The following EDEM3 variants were observed in gnomAD, a reference collection of about 807,000 sequenced individuals.
EDEM3 encodes the protein ER degradation enhancing alpha-mannosidase like protein 3, also known as ER degradation-enhancing alpha-mannosidase-like protein 3.
A neutral mutation model predicts 110.2 loss-of-function variants in EDEM3; 60 were observed. The observed-to-expected ratio is 0.54, with a 90% CI of 0.44 to 0.67. The LOEUF is 0.67. EDEM3 is among the 30% of genes least tolerant of loss of function. The probability of loss-of-function intolerance (pLI) is 0.00; values close to 1 mark genes in which losing one functional copy is unlikely to be tolerated. For synonymous variants in EDEM3, 352 were observed against 382.9 expected (o/e 0.92, Z 0.94); for missense variants, 996 against 1,121.0 (o/e 0.89, Z 1.59).
intron 2 of EDEM3, among the ~76,000 whole-genome samples, chr1:184,744,882 T>G (rs894576628): frequency 1.3e-5 from 2 of 152,096 alleles, no homozygotes; most frequent in Admixed American, 6.5e-5. Flanking sequence ...CAAAAGACTA[T>G]GTACTGTATG....
At chr1:184,723,566 TAGA>T (rs1651018548) in intron 8 of EDEM3, among the ~76,000 whole-genome samples, 182 bp downstream of exon 8, 1 of 152,154 alleles carries the variant, frequency 6.6e-6, no homozygotes, top group East Asian at 1.9e-4. Context: ...CTAAATCATG[TAGA>T]AGAAGTGTGT....
At position 184,712,391 on chromosome 1, in the gene EDEM3, A is replaced by G. The variant is rs770583465; in HGVS notation, c.1536+42T>C. On this transcript the variant is annotated intron_variant, in intron 14 of 19. Transcript: ENST00000318130. ...TTTCACTTGGAAAAATAAAACATGT[A>G]GAAATAAAAAAGAGAATAAGACATT... 2.6e-6 allele frequency: 4 copies of G among 1,523,824 alleles called. No homozygotes were observed. In the East Asian group the frequency reaches 9.3e-5, roughly 35 times the overall value. 94.4% of individuals were successfully genotyped at this position (1,523,824 alleles called of 1,614,324 possible). A position where few individuals can be genotyped will look rare whatever the true frequency, so the allele number is the denominator to read the frequency against.
chr1:184,742,844 A>C (rs1652219583), intron 2 of EDEM3, among the ~76,000 whole-genome samples: 1 of 152,238 alleles, frequency 6.6e-6, no homozygotes, highest in Non-Finnish European at 1.5e-5. Flanking sequence ...GAAATACAAA[A>C]ATTTTTTAAA....
At chr1:184,737,125 C>A in intron 3 of EDEM3, 61 bp from the exon 4 acceptor site, 4 of 1,377,346 alleles carry the variant, frequency 2.9e-6, no homozygotes, top group Non-Finnish European at 4.1e-6. Context: ...TATGAATGTA[C>A]AAGTAGACTT....
intron 7 of EDEM3, among the ~76,000 whole-genome samples, chr1:184,724,889 A>G (rs944820485): frequency 2.0e-5 from 3 of 152,206 alleles, no homozygotes; most frequent in Non-Finnish European, 4.4e-5. Context: ...ATCTCTTTAT[A>G]TATATTAGAC....
At chr1:184,727,443 T>A (rs1352064302) in intron 6 of EDEM3, among the ~76,000 whole-genome samples, 1 of 152,092 alleles carries the variant, frequency 6.6e-6, no homozygotes. Context: ...ATAAAACACA[T>A]AAAACATCAC....
intron 2 of EDEM3, among the ~76,000 whole-genome samples, chr1:184,738,602 T>G (rs1055897963): frequency 6.6e-6 from 1 of 150,752 alleles, no homozygotes; most frequent in Non-Finnish European, 1.5e-5. Context: ...TGCTACAAAT[T>G]GAGGACACCA....
Position 184,721,277 on chromosome 1 carries a change from G to A in EDEM3, c.951+12C>T, listed in dbSNP as rs566082358. 2.4e-4 allele frequency: 371 copies of A among 1,575,326 alleles called. 8 individuals are homozygous for A. In the South Asian group the frequency reaches 4.0e-3, roughly 17 times the overall value. On this transcript the variant is annotated intron_variant, in intron 9 of 19. Coordinates refer to ENST00000318130, the MANE Select transcript of EDEM3 (RefSeq NM_025191.4). ...GAAGTTGATTATAAAATATAAAATT[G>A]TATCAACTTACTGTGTTAAATCTTT...
intron 2 of EDEM3, among the ~76,000 whole-genome samples, chr1:184,740,930 T>C (rs1278335459): frequency 6.6e-6 from 1 of 152,148 alleles, no homozygotes; most frequent in Non-Finnish European, 1.5e-5. Flanking sequence ...AGATATTTCA[T>C]GACACTGAAA....
At chr1:184,720,903 C>A (rs1416988309) in intron 9 of EDEM3, 1 of 182,252 alleles carries the variant, frequency 5.5e-6, no homozygotes, top group Non-Finnish European at 1.1e-5. Flanking sequence ...AGCCCTGTAT[C>A]CTTGGTGTAA....
intron 19 of EDEM3, among the ~76,000 whole-genome samples, chr1:184,694,755 CAAG>C (rs1223583638): frequency 1.3e-5 from 2 of 151,886 alleles, no homozygotes; most frequent in Non-Finnish European, 2.9e-5. Context: ...ATTAGTAAGC[CAAG>C]AAGTACGCTA....
chr1:184,712,553 C>T lies in EDEM3; in HGVS notation c.1416G>A (p.Leu472=). 1 of 1,580,314 alleles carries T rather than the reference C, an allele frequency of 6.3e-7. No individual in the cohort carries two copies. Among genetic ancestry groups the T allele is most frequent in the Non-Finnish European group, 8.6e-7 (1 of 1,159,920 alleles). ...TAATGTCTTCTTTATCAGCAAATAA[C>T]AGGTAAAGATATTTAAACATTTCAG... is the stretch of plus-strand genomic sequence containing the variant. The part of the protein sequence containing the change: ...FLAEMFKYLY[L]LFADKEDIIF... Residue 472 remains leucine, a synonymous_variant, in exon 14 of 20, where the codon CTG becomes CTA. Coordinates refer to ENST00000318130, the MANE Select transcript of EDEM3 (RefSeq NM_025191.4).
intron 2 of EDEM3, among the ~76,000 whole-genome samples, chr1:184,744,788 C>T (rs1441080976): frequency 6.6e-6 from 1 of 152,004 alleles, no homozygotes; most frequent in Non-Finnish European, 1.5e-5. Flanking sequence ...ACTAACACTA[C>T]TGAGCAATAA....
intron 2 of EDEM3, among the ~76,000 whole-genome samples, chr1:184,745,671 T>C (rs775891433): frequency 1.1e-4 from 16 of 151,840 alleles, no homozygotes; most frequent in Non-Finnish European, 1.9e-4. Flanking sequence ...TTTGAAAGAG[T>C]TCCTTTGGTT....
At chr1:184,749,616 GAA>G (rs35957626) in intron 1 of EDEM3, 24 bp from the exon 2 acceptor site, 42,117 of 1,096,636 alleles carry the variant, frequency 0.038, 8 homozygotes, top group South Asian at 0.055. Context: ...AGCAGAAATG[GAA>G]AAAAAAAAAA....
chr1:184,724,662 G>A (rs567593819), intron 7 of EDEM3, among the ~76,000 whole-genome samples: 1 of 152,242 alleles, frequency 6.6e-6, no homozygotes, highest in South Asian at 2.1e-4. Context: ...ATTACAGAGT[G>A]TAAAATAGTT....
intron 2 of EDEM3, among the ~76,000 whole-genome samples, chr1:184,747,288 G>A (rs1256885773): frequency 6.6e-6 from 1 of 152,154 alleles, no homozygotes; most frequent in African/African-American, 2.4e-5. Flanking sequence ...GCTGAGACAG[G>A]ATTTGAACTC....
chr1:184,694,606 C>T, intron 19 of EDEM3, 134 bp from the exon 20 acceptor site: 2 of 830,270 alleles, frequency 2.4e-6, no homozygotes, highest in Admixed American at 3.0e-5. Context: ...GAAAGGTGAG[C>T]ATCAGCACTG....
intron 1 of EDEM3, among the ~76,000 whole-genome samples, chr1:184,752,152 A>G (rs1410340059): frequency 1.3e-5 from 2 of 152,224 alleles, no homozygotes; most frequent in African/African-American, 2.4e-5. Context: ...TTAACAAAAT[A>G]CCCTGTTGCA....
Sources: gnomAD v4.1 joint callset for allele counts (sites outside exome capture counted in the v4.1 genomes callset) on GRCh38, gnomAD v4.1.1 for gene constraint, MANE v1.5 for transcripts, NCBI Gene and HGNC (gene_info 2026-07-23, HGNC 2026-07-21) for gene names.